Variants in SLC25A21 observed in about 807,000 individuals in gnomAD.
The protein encoded by SLC25A21 is solute carrier family 25 member 21.
In SLC25A21, 47 loss-of-function variants were observed where a neutral mutation model predicts 43.8. The observed-to-expected ratio is 1.07, with a 90% CI of 0.85 to 1.37. SLC25A21 has a LOEUF of 1.37. SLC25A21 is among the 40% of genes most tolerant of loss of function. The pLI is 0.00. For missense variants in SLC25A21, 352 were observed against 350.2 expected (o/e 1.00, Z -0.04); for synonymous variants, 131 against 121.3 (o/e 1.08, Z -0.52).
intron 1 of SLC25A21, among the ~76,000 whole-genome samples, chr14:36,899,155 C>A (rs888225237): frequency 3.9e-5 from 6 of 151,922 alleles, no homozygotes; most frequent in African/African-American, 1.5e-4. Context: ...TATGGGAGGC[C>A]AAGGCAGTAG....
chr14:36,856,191 G>A (rs1889892081), intron 2 of SLC25A21, among the ~76,000 whole-genome samples: 1 of 152,212 alleles, frequency 6.6e-6, no homozygotes, highest in Non-Finnish European at 1.5e-5. Context: ...CCTCGCTCCT[G>A]AGGCAGGAAT....
intron 1 of SLC25A21, among the ~76,000 whole-genome samples, chr14:37,045,976 A>G (rs1347671543): frequency 6.6e-6 from 1 of 152,214 alleles, no homozygotes; most frequent in East Asian, 1.9e-4. Context: ...CTGAGGGATT[A>G]TTCTGTGCCA....
At chr14:36,806,708 C>T (rs944679915) in intron 3 of SLC25A21, 3 of 152,116 alleles carry the variant, frequency 2.0e-5, no homozygotes, top group African/African-American at 7.2e-5. Context: ...TATTCTAGAC[C>T]TAGGTCCATT....
chr14:36,917,444 T>C (rs1004443437), intron 1 of SLC25A21, among the ~76,000 whole-genome samples: 10 of 152,138 alleles, frequency 6.6e-5, no homozygotes, highest in African/African-American at 1.9e-4. Context: ...GTTGTTTATA[T>C]CTTTTTCTTA....
intron 7 of SLC25A21, among the ~76,000 whole-genome samples, chr14:36,697,751 C>CTTTTTTTTTTTTTTTTTTTTTTT (rs1883096336): frequency 2.2e-4 from 16 of 73,976 alleles, no homozygotes; most frequent in East Asian, 7.5e-4. Flanking sequence ...TTTTTTTTTG[C>CTTTTTTTTTTTTTTTTTTTTTTT]TTTCCATTTG....
At chr14:37,057,097 T>A (rs955481815) in intron 1 of SLC25A21, among the ~76,000 whole-genome samples, 1 of 152,244 alleles carries the variant, frequency 6.6e-6, no homozygotes, top group Non-Finnish European at 1.5e-5. Context: ...CCTTTATATC[T>A]AAAGGAATGC....
At chr14:36,821,488 G>A (rs1181500413) in intron 2 of SLC25A21, among the ~76,000 whole-genome samples, 1 of 152,012 alleles carries the variant, frequency 6.6e-6, no homozygotes, top group Non-Finnish European at 1.5e-5. Flanking sequence ...ATTTAGCTGT[G>A]GGTATTTTGT....
Position 37,040,113 on chromosome 14 carries a change from T to C in SLC25A21, c.70+132168A>G, listed in dbSNP as rs1020641599. ...TACTCGGGAGGCAGGAGCAGGAGAA[T>C]TGCTGGACCCCAGGAGGTGGAAGTT... On this transcript the variant is annotated intron_variant, in intron 1 of 9. Transcript: ENST00000331299. Among the ~76,000 whole-genome samples, 15 of 150,516 alleles carry C rather than the reference T, an allele frequency of 1.0e-4. No individual in the cohort carries two copies. The South Asian group carries it at 3.0e-3, about 30-fold the overall frequency.
chr14:37,134,383 T>C (rs117728797), intron 1 of SLC25A21, among the ~76,000 whole-genome samples: 4,951 of 152,234 alleles, frequency 0.033, 121 homozygotes, highest in South Asian at 0.071. Flanking sequence ...TATCCTTACG[T>C]CCTCAATGGC....
chr14:37,084,034 C>A (rs1160147360), intron 1 of SLC25A21, among the ~76,000 whole-genome samples: 1 of 152,156 alleles, frequency 6.6e-6, no homozygotes, highest in African/African-American at 2.4e-5. Context: ...TCTTCCTGGA[C>A]GGTCCCATTA....
intron 1 of SLC25A21, among the ~76,000 whole-genome samples, chr14:36,948,775 CAG>C (rs1364858802): frequency 2.0e-5 from 3 of 152,086 alleles, no homozygotes; most frequent in African/African-American, 7.2e-5. Flanking sequence ...ATACTAAAAA[CAG>C]AATGTAAAAG....
intron 2 of SLC25A21, among the ~76,000 whole-genome samples, chr14:36,851,058 G>A (rs1424127388): frequency 2.6e-5 from 4 of 152,198 alleles, no homozygotes; most frequent in African/African-American, 2.4e-5. Flanking sequence ...TATGCTCTGT[G>A]CAGGGAATTG....
chr14:36,835,397 G>GATCTTCT (rs1427253824), intron 2 of SLC25A21, among the ~76,000 whole-genome samples: 1 of 152,144 alleles, frequency 6.6e-6, no homozygotes, highest in African/African-American at 2.4e-5. Context: ...CACGAGATAA[G>GATCTTCT]ATCTTCTCAG....
chr14:37,068,338 A>G (rs536264572), intron 1 of SLC25A21, among the ~76,000 whole-genome samples: 45 of 152,342 alleles, frequency 3.0e-4, no homozygotes, highest in Middle Eastern at 3.4e-3. Flanking sequence ...TGTCTATAAA[A>G]TGGGTGTGAT....
intron 7 of SLC25A21, among the ~76,000 whole-genome samples, chr14:36,710,066 G>A (rs773554339): frequency 1.3e-5 from 2 of 152,124 alleles, no homozygotes; most frequent in Non-Finnish European, 2.9e-5. Flanking sequence ...ATTAAAAAAC[G>A]TTATTATTAT....
At chr14:36,918,862 G>T (rs1891901340) in intron 1 of SLC25A21, among the ~76,000 whole-genome samples, 1 of 152,026 alleles carries the variant, frequency 6.6e-6, no homozygotes, top group African/African-American at 2.4e-5. Flanking sequence ...AAGCCCGAAA[G>T]ATCCTTTTAA....
intron 1 of SLC25A21, among the ~76,000 whole-genome samples, chr14:37,152,468 G>A (rs969542655): frequency 3.4e-5 from 5 of 146,524 alleles, no homozygotes; most frequent in African/African-American, 7.6e-5. Flanking sequence ...TGCAACCTCT[G>A]CTCCGGGTTC....
At chr14:36,790,449 C>T (rs941130480) in intron 3 of SLC25A21, among the ~76,000 whole-genome samples, 7 of 151,878 alleles carry the variant, frequency 4.6e-5, no homozygotes, top group Admixed American at 4.6e-4. Context: ...TGCTTTAGCT[C>T]GAATAATTAG....
At chr14:36,745,474 T>C (rs1000882175) in intron 3 of SLC25A21, among the ~76,000 whole-genome samples, 1 of 152,152 alleles carries the variant, frequency 6.6e-6, no homozygotes, top group African/African-American at 2.4e-5. Context: ...TGTAAAAGCG[T>C]TCCTATTTCT....
Sources: allele counts gnomAD v4.1 joint callset (sites outside exome capture counted in the v4.1 genomes callset), GRCh38; gene constraint gnomAD v4.1.1; transcripts MANE v1.5; gene names NCBI Gene and HGNC (gene_info 2026-07-23, HGNC 2026-07-21).